The following ADGRL3 variants were observed in gnomAD, a reference collection of about 807,000 sequenced individuals.
ADGRL3 encodes the protein calcium-independent alpha-latrotoxin receptor 3.
ADGRL3 carries 62 observed loss-of-function variants against 153.5 expected under a neutral mutation model. That is an observed-to-expected ratio of 0.40 (90% confidence interval 0.33 to 0.50). The LOEUF is 0.50. Among genes scored for constraint, ADGRL3 ranks in the 20% least tolerant of loss-of-function variants. The pLI is 0.47. For synonymous variants in ADGRL3, 710 were observed against 672.5 expected (o/e 1.06, Z -0.86); for missense variants, 1,641 against 1,859.4 (o/e 0.88, Z 2.16).
intron 1 of ADGRL3, among the ~76,000 whole-genome samples, chr4:61,204,552 C>T (rs1330182125): frequency 6.6e-6 from 1 of 152,164 alleles, no homozygotes; most frequent in African/African-American, 2.4e-5. Flanking sequence ...GTCATTAGAA[C>T]TGTGTGTGTC....
chr4:61,216,287 T>C (rs1392770376), intron 1 of ADGRL3, among the ~76,000 whole-genome samples: 2 of 152,142 alleles, frequency 1.3e-5, no homozygotes, highest in Non-Finnish European at 2.9e-5. Context: ...ATTTTTATCA[T>C]ATTTCTCTAT....
intron 4 of ADGRL3, among the ~76,000 whole-genome samples, chr4:61,566,843 T>A (rs1174463055): frequency 6.6e-6 from 1 of 152,148 alleles, no homozygotes; most frequent in Non-Finnish European, 1.5e-5. Flanking sequence ...TAAAGTTTTC[T>A]TTTTTGAAGG....
intron 5 of ADGRL3, among the ~76,000 whole-genome samples, chr4:61,619,223 G>A (rs985152114): frequency 5.3e-5 from 8 of 152,132 alleles, no homozygotes; most frequent in Admixed American, 3.9e-4. Flanking sequence ...TCTACCAGTT[G>A]TGCATAGACC....
chr4:61,478,281 T>C, intron 2 of ADGRL3, among the ~76,000 whole-genome samples: 1 of 152,066 alleles, frequency 6.6e-6, no homozygotes, highest in South Asian at 2.1e-4. Flanking sequence ...TTGAGGTATG[T>C]GTTTGTTTAA....
intron 1 of ADGRL3, among the ~76,000 whole-genome samples, chr4:61,319,537 A>C (rs1177474497): frequency 6.6e-6 from 1 of 152,156 alleles, no homozygotes; most frequent in Non-Finnish European, 1.5e-5. Context: ...GTTGCAGTTG[A>C]TGAGCAGATC....
intron 8 of ADGRL3, among the ~76,000 whole-genome samples, chr4:61,806,997 A>G (rs868534689): frequency 1.3e-5 from 2 of 150,938 alleles, no homozygotes; most frequent in Middle Eastern, 3.4e-3. Context: ...TCTTTCTTAT[A>G]AACAAGAAAT....
At chr4:62,011,764 T>C (rs1456004413) in intron 21 of ADGRL3, among the ~76,000 whole-genome samples, 2 of 152,130 alleles carry the variant, frequency 1.3e-5, no homozygotes, top group African/African-American at 4.8e-5. Context: ...TAAAAGCCAA[T>C]TTTTCACCAG....
At chr4:61,406,786 C>G (rs1377636696) in intron 2 of ADGRL3, among the ~76,000 whole-genome samples, 2 of 151,776 alleles carry the variant, frequency 1.3e-5, no homozygotes, top group African/African-American at 4.8e-5. Flanking sequence ...TTCAGCATGC[C>G]AGGTTGGTAA....
At chr4:61,443,007 CAT>C (rs1413194216) in intron 2 of ADGRL3, among the ~76,000 whole-genome samples, 1 of 152,008 alleles carries the variant, frequency 6.6e-6, no homozygotes, top group Non-Finnish European at 1.5e-5. Flanking sequence ...ATCTTGGAAA[CAT>C]AAAACAGACT....
chr4:61,914,772 G>C (rs2098737649), intron 13 of ADGRL3, among the ~76,000 whole-genome samples: 3 of 152,100 alleles, frequency 2.0e-5, no homozygotes, highest in Admixed American at 1.3e-4. Flanking sequence ...TCTGATTCAG[G>C]GGAAGGTTAG....
At chr4:61,240,801 A>C (rs994195886) in intron 1 of ADGRL3, among the ~76,000 whole-genome samples, 2 of 152,044 alleles carry the variant, frequency 1.3e-5, no homozygotes, top group South Asian at 2.1e-4. Context: ...TTAATGTTTC[A>C]TGAGGGATGA....
intron 1 of ADGRL3, among the ~76,000 whole-genome samples, chr4:61,246,148 A>G (rs982563255): frequency 4.6e-5 from 7 of 152,010 alleles, no homozygotes; most frequent in African/African-American, 1.7e-4. Context: ...GCCACTTGCC[A>G]GCTGTTGAGG....
At chr4:61,747,146 A>G (rs1280166310) in intron 8 of ADGRL3, among the ~76,000 whole-genome samples, 2 of 152,118 alleles carry the variant, frequency 1.3e-5, no homozygotes, top group African/African-American at 4.8e-5. Flanking sequence ...CACCCTTCCA[A>G]GACTAAACCA....
intron 8 of ADGRL3, among the ~76,000 whole-genome samples, chr4:61,777,910 A>G (rs1172875262): frequency 6.6e-6 from 1 of 152,324 alleles, no homozygotes; most frequent in East Asian, 1.9e-4. Context: ...ACATAGGATA[A>G]CAAAGTGGGT....
chr4:61,368,381 A>G (rs1656000174), intron 1 of ADGRL3, among the ~76,000 whole-genome samples: 1 of 152,152 alleles, frequency 6.6e-6, no homozygotes, highest in Non-Finnish European at 1.5e-5. Flanking sequence ...TAAGTCTTTA[A>G]TCCATCTTGA....
intron 19 of ADGRL3, among the ~76,000 whole-genome samples, chr4:61,995,050 C>T (rs1195359451): frequency 6.6e-6 from 1 of 151,678 alleles, no homozygotes; most frequent in Non-Finnish European, 1.5e-5. Flanking sequence ...GTAGCTGTGA[C>T]TACAGGGGCA....
In ADGRL3 at chr4:61,615,395, C is replaced by G. The variant is rs75745225; in HGVS notation, c.473+27955C>G. On this transcript the variant is annotated intron_variant, in intron 5 of 26. Transcript: ENST00000683033. The stretch of plus-strand genomic sequence containing the variant: ...GTAATGTATGTGCTAAAATAAACAC[C>G]GGTAAAAGGGTCTGTGAGAATAAAG... 3.8e-3 allele frequency among the ~76,000 whole-genome samples: 570 copies of G among 151,658 alleles called. 14 individuals carry two copies. In the South Asian group the frequency reaches 0.061, roughly 16 times the overall value.
At chr4:61,636,640 G>A (rs6551637) in intron 5 of ADGRL3, among the ~76,000 whole-genome samples, 58,574 of 151,666 alleles carry the variant, frequency 0.39, 12,556 homozygotes, top group Non-Finnish European at 0.5. Flanking sequence ...TACCAGATAC[G>A]TATGTAGTGA....
chr4:61,960,893 A>T (rs1042634399), intron 17 of ADGRL3, among the ~76,000 whole-genome samples: 1 of 152,054 alleles, frequency 6.6e-6, no homozygotes, highest in Non-Finnish European at 1.5e-5. Context: ...TATTTTTAGT[A>T]GAGATGAGGT....
Sources: allele counts gnomAD v4.1 joint callset (sites outside exome capture counted in the v4.1 genomes callset), GRCh38; gene constraint gnomAD v4.1.1; transcripts MANE v1.5; gene names NCBI Gene and HGNC (gene_info 2026-07-23, HGNC 2026-07-21).